SLC4A4: variants seen among roughly 807,000 people sequenced by gnomAD.
SLC4A4 encodes electrogenic sodium bicarbonate cotransporter 1.
Under a neutral mutation model 111.5 loss-of-function variants are expected in SLC4A4, and 27 were observed. The observed-to-expected ratio is 0.24, with a 90% CI of 0.18 to 0.33. SLC4A4 has a LOEUF of 0.33. Among genes scored for constraint, SLC4A4 ranks in the 10% least tolerant of loss-of-function variants. The probability of loss-of-function intolerance (pLI) is 1.00; values close to 1 mark genes in which losing one functional copy is unlikely to be tolerated. For synonymous variants in SLC4A4, 443 were observed against 463.4 expected (o/e 0.96, Z 0.57); for missense variants, 909 against 1,315.5 (o/e 0.69, Z 4.78).
chr4:71,418,254 G>A (rs1360116202), intron 7 of SLC4A4, among the ~76,000 whole-genome samples: 6 of 152,058 alleles, frequency 3.9e-5, no homozygotes, highest in South Asian at 2.1e-4. Context: ...TGCATTAATC[G>A]TGGTGAGATA....
At chr4:71,501,942 C>T (rs954507400) in intron 16 of SLC4A4, among the ~76,000 whole-genome samples, 6 of 151,764 alleles carry the variant, frequency 4.0e-5, no homozygotes, top group Admixed American at 6.6e-5. Flanking sequence ...GGATTACAGG[C>T]GTGAACCACC....
At chr4:71,460,520 C>T (rs917709246) in intron 12 of SLC4A4, among the ~76,000 whole-genome samples, 14 of 152,074 alleles carry the variant, frequency 9.2e-5, no homozygotes, top group African/African-American at 3.4e-4. Flanking sequence ...TCATTTCCTG[C>T]TGGGCATTGT....
chr4:71,065,170 T>G (rs1388249836), intron 1 of SLC4A4, among the ~76,000 whole-genome samples: 1 of 152,230 alleles, frequency 6.6e-6, no homozygotes, highest in Non-Finnish European at 1.5e-5. Context: ...GTGGCATTTA[T>G]AAGATTTTTG....
Position 71,339,367 on chromosome 4 carries a change from C to T in SLC4A4, c.254-3C>T. ...TTTAACCACAGTATTTTCACTTCTG[C>T]AGTCTCTCCTGCTGCAGAACGCATC... On this transcript the variant is annotated splice_region_variant and splice_polypyrimidine_tract_variant and intron_variant, in intron 3 of 25. Coordinates refer to ENST00000264485, the MANE Select transcript of SLC4A4 (RefSeq NM_001098484.3). 6.2e-7 allele frequency: 1 copy of T among 1,614,164 alleles called. No individual in the cohort carries two copies. The highest frequency in any genetic ancestry group is 8.5e-7 in the Non-Finnish European group (1 of 1,180,026).
intron 2 of SLC4A4, among the ~76,000 whole-genome samples, chr4:71,103,867 A>G (rs373805776): frequency 7.0e-6 from 1 of 143,796 alleles, no homozygotes; most frequent in East Asian, 2.1e-4. Context: ...AAGAACTAGA[A>G]AAGCAAGAGC....
chr4:71,282,834 C>T (rs1310810850), intron 3 of SLC4A4, among the ~76,000 whole-genome samples: 3 of 151,982 alleles, frequency 2.0e-5, no homozygotes, highest in Non-Finnish European at 4.4e-5. Context: ...ACCCGGGCCT[C>T]CCAAAGTGCT....
chr4:71,138,730 G>A (rs1743910630), intron 2 of SLC4A4, among the ~76,000 whole-genome samples: 1 of 152,056 alleles, frequency 6.6e-6, no homozygotes, highest in Non-Finnish European at 1.5e-5. Flanking sequence ...GGTATGTTGG[G>A]GGCCAGGTAA....
intron 15 of SLC4A4, among the ~76,000 whole-genome samples, chr4:71,490,561 C>T (rs997900124): frequency 4.6e-5 from 7 of 151,798 alleles, no homozygotes; most frequent in African/African-American, 1.7e-4. Flanking sequence ...TACCTGAGCC[C>T]TTTCCAAAGT....
chr4:71,367,572 A>G (rs887891034), intron 6 of SLC4A4, among the ~76,000 whole-genome samples: 1 of 152,224 alleles, frequency 6.6e-6, no homozygotes, highest in Non-Finnish European at 1.5e-5. Flanking sequence ...GATAATATAC[A>G]TTTCTAAATG....
At chr4:71,198,251 A>G (rs1186581156) in intron 1 of SLC4A4, among the ~76,000 whole-genome samples, 2 of 152,234 alleles carry the variant, frequency 1.3e-5, no homozygotes, top group East Asian at 3.8e-4. Flanking sequence ...CAGATGTTTC[A>G]TTTATTACAT....
At chr4:71,083,643 G>C (rs1363875443) in intron 1 of SLC4A4, among the ~76,000 whole-genome samples, 3 of 151,986 alleles carry the variant, frequency 2.0e-5, no homozygotes, top group Admixed American at 2.0e-4. Context: ...GATGCTCTAA[G>C]GGTTGATATG....
At chr4:71,202,815 C>T (rs1301317980) in intron 1 of SLC4A4, among the ~76,000 whole-genome samples, 2 of 152,128 alleles carry the variant, frequency 1.3e-5, no homozygotes, top group Non-Finnish European at 2.9e-5. Flanking sequence ...ATGGAATACA[C>T]AGTAATCATC....
chr4:71,150,942 A>C (rs966787372), intron 2 of SLC4A4, among the ~76,000 whole-genome samples: 1 of 152,204 alleles, frequency 6.6e-6, no homozygotes, highest in Non-Finnish European at 1.5e-5. Context: ...GCTATTTGAA[A>C]GACCATGCCT....
At chr4:71,172,717 G>A (rs752571892) in intron 2 of SLC4A4, among the ~76,000 whole-genome samples, 24 of 152,256 alleles carry the variant, frequency 1.6e-4, no homozygotes, top group African/African-American at 2.9e-4. Context: ...TAAAAGTCTC[G>A]AAATTTAATT....
intron 14 of SLC4A4, among the ~76,000 whole-genome samples, chr4:71,481,523 GCC>G (rs1431706896): frequency 6.6e-6 from 1 of 151,716 alleles, no homozygotes; most frequent in Non-Finnish European, 1.5e-5. Context: ...CACAACTGCA[GCC>G]ATACTTGATC....
At chr4:71,118,210 T>C (rs949654892) in intron 2 of SLC4A4, among the ~76,000 whole-genome samples, 5 of 152,202 alleles carry the variant, frequency 3.3e-5, no homozygotes, top group Non-Finnish European at 7.4e-5. Context: ...CTTTTTCTTA[T>C]TGCTTTTTTA....
At chr4:71,522,284 T>C (rs1252874404) in intron 16 of SLC4A4, among the ~76,000 whole-genome samples, 3 of 152,216 alleles carry the variant, frequency 2.0e-5, no homozygotes, top group Non-Finnish European at 4.4e-5. Context: ...TATCACAGCA[T>C]AATCTGTGAT....
chr4:71,300,759 G>A, intron 3 of SLC4A4: 1 of 370,938 alleles, frequency 2.7e-6, no homozygotes, highest in Middle Eastern at 5.1e-4. Flanking sequence ...GGTCTTACAG[G>A]CCATCTGGTG....
intron 2 of SLC4A4, among the ~76,000 whole-genome samples, chr4:71,177,480 G>A (rs1745132036): frequency 6.6e-6 from 1 of 152,114 alleles, no homozygotes; most frequent in Non-Finnish European, 1.5e-5. Context: ...AGGGATGGAG[G>A]AAGATCTACC....
Sources: gnomAD v4.1 joint callset for allele counts (sites outside exome capture counted in the v4.1 genomes callset) on GRCh38, gnomAD v4.1.1 for gene constraint, MANE v1.5 for transcripts, NCBI Gene and HGNC (gene_info 2026-07-23, HGNC 2026-07-21) for gene names.